DLGAP4: variants seen among roughly 807,000 people sequenced by gnomAD.
DLGAP4 encodes the protein disks large-associated protein 4.
A neutral mutation model predicts 86.9 loss-of-function variants in DLGAP4; 18 were observed. The ratio of observed to expected loss-of-function variants is 0.21; its 90% CI spans 0.14 to 0.31. The LOEUF (loss-of-function observed/expected upper bound fraction) is 0.31, where lower values mean the gene tolerates loss of function less well. Among genes scored for constraint, DLGAP4 ranks in the 10% least tolerant of loss-of-function variants. The pLI, the probability that DLGAP4 is intolerant of heterozygous loss-of-function variation, is 1.00. For missense variants in DLGAP4, 1,085 were observed against 1,362.6 expected (o/e 0.80, Z 3.21); for synonymous variants, 548 against 574.3 (o/e 0.95, Z 0.65).
chr20:36,505,144 T>C (rs767602443), intron 10 of DLGAP4, among the ~76,000 whole-genome samples: 17 of 152,090 alleles, frequency 1.1e-4, no homozygotes, highest in Middle Eastern at 6.8e-3. Context: ...CGTGCCACCA[T>C]GCCTGGCTAA....
rs2147539885 is a variant in DLGAP4 at position 36,431,758 on chromosome 20, A to G, written c.41A>G (p.Asp14Gly). 6.2e-7 allele frequency: 1 copy of G among 1,606,188 alleles called. No homozygotes were observed. The highest frequency in any genetic ancestry group is 2.2e-5 in the East Asian group (1 of 44,644). The change falls in exon 3 of 13, where the codon GAC (aspartate) becomes GGC (glycine). Residue 14 changes from aspartate (D) to glycine (G), a missense_variant. Asp to Gly is a moderately conservative substitution (Grantham distance 94). This residue lies in a region of DLGAP4 where 1,082 missense variants were observed against 1,344.1 expected (regional missense o/e 0.81). Transcript: ENST00000339266. This position sits in a 1 kb window ranked among gnomAD's most constrained non-coding sequence, Gnocchi z 5.1. Reference sequence around the variant, plus strand: ...GACAGCCGCCCCCGCCACCTCTCCGACAGCCTAGACCCACCCCACGAGCCC... The same window carrying G: ...GACAGCCGCCCCCGCCACCTCTCCGGCAGCCTAGACCCACCCCACGAGCCC... Reference protein sequence around the residue: ...LGDSRPRHLSDSLDPPHEPLF... With the variant: ...LGDSRPRHLSGSLDPPHEPLF...
chr20:36,319,028 G>A (rs2147342237), intron 1 of DLGAP4, among the ~76,000 whole-genome samples: 1 of 151,948 alleles, frequency 6.6e-6, no homozygotes, highest in East Asian at 1.9e-4. Flanking sequence ...CTGTAGTCCT[G>A]GCTACTCAGG....
chr20:36,449,942 T>C (rs2033692783), intron 7 of DLGAP4, among the ~76,000 whole-genome samples: 1 of 152,250 alleles, frequency 6.6e-6, no homozygotes, highest in African/African-American at 2.4e-5. Context: ...ATCCTCCTCC[T>C]GGGACCAAAG....
rs146559488 is a variant in DLGAP4, at chr20:36,424,783, T to C, written c.-72-6863T>C. ...CAGAGTCTTGCTCTGTCACTCAGTC[T>C]GGAGTGCAGTGGCACAATCTCAGCT... is the stretch of plus-strand genomic sequence containing the variant. On this transcript the variant is annotated intron_variant, in intron 2 of 12. Transcript: ENST00000339266. Among the ~76,000 whole-genome samples the C allele has an allele frequency of 1.8e-3, 275 of 151,682 alleles. 2 individuals are homozygous for C. Among genetic ancestry groups the C allele is most frequent in the East Asian group, 0.011 (55 of 5,148 alleles).
At chr20:36,361,556 A>G (rs2030520520) in intron 1 of DLGAP4, among the ~76,000 whole-genome samples, 1 of 152,198 alleles carries the variant, frequency 6.6e-6, no homozygotes, top group South Asian at 2.1e-4. Flanking sequence ...CCAGGGAGGC[A>G]GCCGGGCACC....
At chr20:36,524,573 G>C (rs1476079512) in intron 11 of DLGAP4, among the ~76,000 whole-genome samples, 1 of 152,182 alleles carries the variant, frequency 6.6e-6, no homozygotes, top group Non-Finnish European at 1.5e-5. Context: ...CCACATGGAT[G>C]GTAAAGTCAA....
At chr20:36,452,901 C>T (rs575020526) in intron 7 of DLGAP4, among the ~76,000 whole-genome samples, 11 of 142,012 alleles carry the variant, frequency 7.7e-5, no homozygotes, top group South Asian at 4.5e-4. Context: ...GGCATGATCT[C>T]GGCTCACTGC....
Position 36,385,069 on chromosome 20 carries a change from G to A in DLGAP4, c.-73+17794G>A, listed in dbSNP as rs925578722. On this transcript the variant is annotated intron_variant, in intron 2 of 12. Transcript: ENST00000339266. ...CAGAGAAGGGGTGTGACCTGCTGGG[G>A]GCATGCTAAGTTGGCAGTAGGACTC... Among the ~76,000 whole-genome samples the A allele has an allele frequency of 3.3e-5, 5 of 152,098 alleles. No individual in the cohort carries two copies. In the East Asian group the frequency reaches 9.6e-4, roughly 29 times the overall value.
chr20:36,526,143 C>T (rs1485950296), intron 12 of DLGAP4, 137 bp downstream of exon 12: 21 of 1,284,024 alleles, frequency 1.6e-5, no homozygotes, highest in South Asian at 4.9e-5. Flanking sequence ...TCCATCACTG[C>T]GTGGGGTCCA....
intron 10 of DLGAP4, among the ~76,000 whole-genome samples, chr20:36,506,220 G>C (rs1245113104): frequency 6.6e-6 from 1 of 152,132 alleles, no homozygotes; most frequent in Non-Finnish European, 1.5e-5. Context: ...ATTGCTTCAT[G>C]CCAATAGGGT....
At chr20:36,461,543 G>T in intron 7 of DLGAP4, 1 of 975,938 alleles carries the variant, frequency 1.0e-6, no homozygotes, top group Non-Finnish European at 1.2e-6. Context: ...CGCCGCCGCC[G>T]CCAGTCCGTC....
intron 2 of DLGAP4, among the ~76,000 whole-genome samples, chr20:36,387,157 GTTCT>G (rs1224922206): frequency 6.6e-6 from 1 of 152,198 alleles, no homozygotes; most frequent in Non-Finnish European, 1.5e-5. Flanking sequence ...ATATATCTGA[GTTCT>G]CATTTCCTCA....
chr20:36,400,865 G>A (rs2032138261), intron 2 of DLGAP4, among the ~76,000 whole-genome samples: 1 of 152,126 alleles, frequency 6.6e-6, no homozygotes, highest in African/African-American at 2.4e-5. Flanking sequence ...GCGGAGTTTC[G>A]AGATGTTTTG....
intron 1 of DLGAP4, among the ~76,000 whole-genome samples, chr20:36,329,099 G>A (rs1309219951): frequency 6.6e-6 from 1 of 152,076 alleles, no homozygotes; most frequent in Non-Finnish European, 1.5e-5. Flanking sequence ...TAGCAGAGAC[G>A]GGGCTTCACC....
At chr20:36,313,891 CCATCGGAA>C (rs1186081057) in intron 1 of DLGAP4, among the ~76,000 whole-genome samples, 2 of 152,248 alleles carry the variant, frequency 1.3e-5, no homozygotes, top group African/African-American at 4.8e-5. Context: ...CTCAGTTACC[CCATCGGAA>C]CAGCAAGAGT....
intron 1 of DLGAP4, among the ~76,000 whole-genome samples, chr20:36,349,645 G>T (rs182396435): frequency 6.6e-6 from 1 of 152,058 alleles, no homozygotes; most frequent in Non-Finnish European, 1.5e-5. Flanking sequence ...GCAACTTCAT[G>T]GGTCATCGTG....
rs536666307 is a variant in DLGAP4 at position 36,361,494 on chromosome 20, T to C, written c.-303-5551T>C. On this transcript the variant is annotated intron_variant, in intron 1 of 12. Coordinates refer to ENST00000339266, the MANE Select transcript of DLGAP4 (RefSeq NM_001365621.2). The stretch of plus-strand genomic sequence containing the variant: ...AGGCTTGCAGAGTGAGGCGTTCATT[T>C]GTTCCACATGCGTTTTGAAAAGATC... 2.5e-3 allele frequency among the ~76,000 whole-genome samples: 388 copies of C among 152,270 alleles called. 1 individual carries two copies. The highest frequency in any genetic ancestry group is 0.01 in the Middle Eastern group (3 of 294).
At chr20:36,343,279 G>A (rs2147377258) in intron 1 of DLGAP4, among the ~76,000 whole-genome samples, 1 of 152,298 alleles carries the variant, frequency 6.6e-6, no homozygotes, top group Non-Finnish European at 1.5e-5. Flanking sequence ...GACCCAGGGT[G>A]GCCAAGAAAG....
rs532467718 is a variant in DLGAP4 at position 36,528,573 on chromosome 20, G to C, written c.*1542G>C. ...TCAACTTCCTCCTCTGTAAAACGGG[G>C]ACAGTCCCTGCCCCTCCCTACCTCA... On this transcript the variant is annotated 3_prime_UTR_variant, in exon 13 of 13. Coordinates refer to ENST00000339266, the MANE Select transcript of DLGAP4 (RefSeq NM_001365621.2). 1 of 152,858 alleles carries C rather than the reference G, an allele frequency of 6.5e-6. No homozygotes were observed. The highest frequency in any genetic ancestry group is 1.9e-4 in the East Asian group (1 of 5,176). The allele number at this position is 152,858 out of a possible 1,614,324, so 9.5% of individuals were successfully genotyped here.
Sources: allele counts gnomAD v4.1 joint callset (sites outside exome capture counted in the v4.1 genomes callset), GRCh38; gene constraint gnomAD v4.1.1; regional missense constraint gnomAD v4.1.1; non-coding constraint Gnocchi (gnomAD v3.1); transcripts MANE v1.5; gene names NCBI Gene and HGNC (gene_info 2026-07-23, HGNC 2026-07-21).